Variants in TOX observed in about 807,000 individuals in gnomAD.
The protein encoded by TOX is thymocyte selection associated high mobility group box, also known as thymocyte selection-associated high mobility group box protein TOX.
In TOX, 11 loss-of-function variants were observed where a neutral mutation model predicts 53.7. The observed-to-expected ratio is 0.20, with a 90% CI of 0.13 to 0.34. The LOEUF is 0.34. Ranked by LOEUF, TOX falls within the 10% of genes least tolerant of loss-of-function variation. TOX has a pLI of 1.00. For missense variants in TOX, 570 were observed against 664.6 expected (o/e 0.86, Z 1.56); for synonymous variants, 225 against 245.3 (o/e 0.92, Z 0.77).
intron 1 of TOX, among the ~76,000 whole-genome samples, chr8:59,044,598 C>T (rs1193009564): frequency 6.6e-6 from 1 of 151,962 alleles, no homozygotes; most frequent in South Asian, 2.1e-4. Context: ...AGCTTATTTC[C>T]CCAGAAATAG....
In TOX at chr8:58,994,528, G is replaced by T. The variant is rs187802443; in HGVS notation, c.103-34520C>A. ...GGTAGAAAGTTCTACTGTCCAGAATGCTAAATTTCTGTCCTGAATGACTGG... is the reference window on the plus strand; with the variant it reads ...GGTAGAAAGTTCTACTGTCCAGAATTCTAAATTTCTGTCCTGAATGACTGG... On this transcript the variant is annotated intron_variant, in intron 1 of 8. Transcript: ENST00000361421. Among the ~76,000 whole-genome samples, 4 of 151,998 alleles carry T rather than the reference G, an allele frequency of 2.6e-5. No individual in the cohort carries two copies. In the East Asian group the frequency reaches 7.8e-4, roughly 29 times the overall value.
intron 1 of TOX, among the ~76,000 whole-genome samples, chr8:59,081,199 G>A (rs111949278): frequency 0.035 from 5,384 of 152,034 alleles, 296 homozygotes; most frequent in African/African-American, 0.12. Flanking sequence ...GCTAATTTTT[G>A]TATTTTTAGT....
chr8:59,001,745 G>T (rs990949479), intron 1 of TOX, among the ~76,000 whole-genome samples: 2 of 152,076 alleles, frequency 1.3e-5, no homozygotes, highest in African/African-American at 4.8e-5. Flanking sequence ...TATTCAAGAA[G>T]TAAGAAATAA....
At chr8:58,811,336 C>T (rs1173201620) in intron 7 of TOX, among the ~76,000 whole-genome samples, 2 of 152,168 alleles carry the variant, frequency 1.3e-5, no homozygotes, top group Non-Finnish European at 2.9e-5. Flanking sequence ...TTTTAAATTT[C>T]ATTTTCTGGT....
chr8:59,110,516 A>G (rs2129424910), intron 1 of TOX, among the ~76,000 whole-genome samples: 1 of 152,318 alleles, frequency 6.6e-6, no homozygotes, highest in East Asian at 1.9e-4. Context: ...TTCGTTAATT[A>G]ATCTTGCACA....
chr8:59,064,831 C>T (rs1804057862), intron 1 of TOX, among the ~76,000 whole-genome samples: 2 of 151,962 alleles, frequency 1.3e-5, no homozygotes, highest in Admixed American at 1.3e-4. Flanking sequence ...CAATGTATGT[C>T]AATTTAGCAT....
rs1491565449 is a variant in TOX at position 59,021,498 on chromosome 8, ATG to A, written c.103-61492_103-61491del. Among the ~76,000 whole-genome samples the A allele has an allele frequency of 3.8e-4, 50 of 132,340 alleles. 2 individuals carry two copies. Among genetic ancestry groups the A allele is most frequent in the Middle Eastern group, 3.8e-3 (1 of 262 alleles). The allele number at this position is 132,340 out of a possible 152,430, so 86.8% of individuals were successfully genotyped here. Reference sequence around the variant, plus strand: ...AAAAAAAAAATATATATATATATATATGCACATATATACAATGTCAGATATAT... The same window carrying A: ...AAAAAAAAAATATATATATATATATACACATATATACAATGTCAGATATAT... On this transcript the variant is annotated intron_variant, in intron 1 of 8. Coordinates refer to ENST00000361421, the MANE Select transcript of TOX (RefSeq NM_014729.3).
chr8:59,098,614 A>G (rs1353857890), intron 1 of TOX, among the ~76,000 whole-genome samples: 2 of 152,130 alleles, frequency 1.3e-5, no homozygotes, highest in African/African-American at 2.4e-5. Context: ...AGGATTTGTT[A>G]CAGCTGTGAA....
intron 1 of TOX, among the ~76,000 whole-genome samples, chr8:58,982,961 T>TGCATTTATTC (rs1309596042): frequency 6.6e-6 from 1 of 152,214 alleles, no homozygotes; most frequent in East Asian, 1.9e-4. Flanking sequence ...CATTTATTCA[T>TGCATTTATTC]ATGGTCCCTC....
At chr8:58,843,978 T>C (rs1585856179) in intron 4 of TOX, among the ~76,000 whole-genome samples, 1 of 152,188 alleles carries the variant, frequency 6.6e-6, no homozygotes, top group East Asian at 1.9e-4. Context: ...CTATTTGGGA[T>C]AAACACAATG....
intron 1 of TOX, among the ~76,000 whole-genome samples, chr8:59,056,513 TAAG>T (rs1803891855): frequency 6.7e-6 from 1 of 148,522 alleles, no homozygotes; most frequent in Admixed American, 6.7e-5. Context: ...GTGAAAATGG[TAAG>T]ATGACCCCTT....
At chr8:59,040,347 A>T (rs1420022223) in intron 1 of TOX, among the ~76,000 whole-genome samples, 2 of 151,218 alleles carry the variant, frequency 1.3e-5, no homozygotes, top group Non-Finnish European at 1.5e-5. Context: ...AAAAAAAAAA[A>T]AAAGAAGCAT....
intron 1 of TOX, among the ~76,000 whole-genome samples, chr8:59,088,503 T>C (rs1029920980): frequency 6.6e-6 from 1 of 152,224 alleles, no homozygotes; most frequent in Non-Finnish European, 1.5e-5. Flanking sequence ...CATTACATTT[T>C]GGGTACAGAA....
At chr8:59,019,788 T>A (rs1814087474) in intron 1 of TOX, among the ~76,000 whole-genome samples, 1 of 152,336 alleles carries the variant, frequency 6.6e-6, no homozygotes, top group East Asian at 1.9e-4. Flanking sequence ...TGTTTCTACT[T>A]TGGAATCATT....
chr8:59,082,559 A>G (rs1423996112), intron 1 of TOX, among the ~76,000 whole-genome samples: 2 of 152,208 alleles, frequency 1.3e-5, no homozygotes, highest in Non-Finnish European at 2.9e-5. Context: ...ATATTTACGA[A>G]ATGCCTTCTA....
intron 1 of TOX, among the ~76,000 whole-genome samples, chr8:59,047,200 ATTG>A (rs1363455932): frequency 2.9e-4 from 33 of 115,280 alleles, no homozygotes; most frequent in African/African-American, 1.1e-3. Context: ...TCCACCAAGA[ATTG>A]TTTTTTTTTT....
intron 1 of TOX, among the ~76,000 whole-genome samples, chr8:59,005,554 C>T (rs1296295414): frequency 6.6e-6 from 1 of 152,142 alleles, no homozygotes; most frequent in Non-Finnish European, 1.5e-5. Context: ...AGCACATTAA[C>T]AATTTTAAAG....
intron 3 of TOX, among the ~76,000 whole-genome samples, chr8:58,929,567 G>A (rs984456038): frequency 1.3e-5 from 2 of 152,010 alleles, no homozygotes; most frequent in Admixed American, 6.5e-5. Flanking sequence ...AATAGTTAAT[G>A]AATAATGAAG....
At chr8:58,939,166 T>C in intron 3 of TOX, 136 bp downstream of exon 3, 1 of 1,172,600 alleles carries the variant, frequency 8.5e-7, no homozygotes, top group Non-Finnish European at 1.2e-6. Context: ...ATGTGTATGA[T>C]TTATAAATAA....
Sources: gnomAD v4.1 joint callset for allele counts (sites outside exome capture counted in the v4.1 genomes callset) on GRCh38, gnomAD v4.1.1 for gene constraint, MANE v1.5 for transcripts, NCBI Gene and HGNC (gene_info 2026-07-23, HGNC 2026-07-21) for gene names.